The following C8A variants were observed in gnomAD, a reference collection of about 807,000 sequenced individuals.
The protein encoded by C8A is complement C8 alpha chain, also known as complement component C8 alpha chain.
C8A carries 67 observed loss-of-function variants against 65.3 expected under a neutral mutation model. The ratio of observed to expected loss-of-function variants is 1.03; its 90% CI spans 0.84 to 1.26. The LOEUF is 1.26. C8A is among the 50% of genes most tolerant of loss of function. The pLI, the probability that C8A is intolerant of heterozygous loss-of-function variation, is 0.00. For missense variants in C8A, 781 were observed against 723.9 expected (o/e 1.08, Z -0.90); for synonymous variants, 290 against 259.4 (o/e 1.12, Z -1.13).
intron 3 of C8A, among the ~76,000 whole-genome samples, chr1:56,875,530 G>A (rs1053388904): frequency 6.6e-6 from 1 of 152,038 alleles, no homozygotes; most frequent in African/African-American, 2.4e-5. Flanking sequence ...TCTAGCAGGA[G>A]GTTCCCAAAT....
At chr1:56,866,757 C>T (rs1023746180) in intron 1 of C8A, among the ~76,000 whole-genome samples, 1 of 152,200 alleles carries the variant, frequency 6.6e-6, no homozygotes, top group African/African-American at 2.4e-5. Context: ...GCCAGGCAAA[C>T]TTGCGGCTTG....
At chr1:56,862,038 A>G (rs1644039311) in intron 1 of C8A, among the ~76,000 whole-genome samples, 2 of 152,174 alleles carry the variant, frequency 1.3e-5, no homozygotes, top group South Asian at 4.1e-4. Context: ...GGCAGATGGG[A>G]AGCATCTCAC....
intron 8 of C8A, among the ~76,000 whole-genome samples, chr1:56,907,740 C>G (rs1644476985): frequency 6.6e-6 from 1 of 152,228 alleles, no homozygotes; most frequent in Admixed American, 6.5e-5. Flanking sequence ...CTGGGCTGTC[C>G]TCTCAGTATT....
chr1:56,857,698 T>C (rs1290559086), intron 1 of C8A, among the ~76,000 whole-genome samples: 1 of 151,888 alleles, frequency 6.6e-6, no homozygotes, highest in Non-Finnish European at 1.5e-5. Context: ...CATGTCTTCC[T>C]TGTTTCTATT....
chr1:56,874,272 C>T (rs886830680), intron 2 of C8A, among the ~76,000 whole-genome samples: 1 of 152,186 alleles, frequency 6.6e-6, no homozygotes, highest in Non-Finnish European at 1.5e-5. Context: ...AGATGTGATG[C>T]TTTGGTGAAC....
chr1:56,902,343 T>G (rs1644432992), intron 7 of C8A, among the ~76,000 whole-genome samples: 2 of 152,272 alleles, frequency 1.3e-5, no homozygotes, highest in Admixed American at 1.3e-4. Context: ...CTGGAGGGTT[T>G]AATCCAGTTC....
chr1:56,911,066 T>G (rs1387503047), intron 9 of C8A, among the ~76,000 whole-genome samples: 5 of 10,912 alleles, frequency 4.6e-4, no homozygotes, highest in African/African-American at 1.2e-3. Context: ...AAAACATGGG[T>G]TTTTTTTTTT....
At chr1:56,903,170 G>C (rs562572458) in intron 7 of C8A, among the ~76,000 whole-genome samples, 1 of 152,182 alleles carries the variant, frequency 6.6e-6, no homozygotes, top group South Asian at 2.1e-4. Context: ...CTGTGTCCCC[G>C]CCCAAATCTC....
At chr1:56,886,932 T>C (rs1644304902) in intron 7 of C8A, among the ~76,000 whole-genome samples, 1 of 152,146 alleles carries the variant, frequency 6.6e-6, no homozygotes, top group African/African-American at 2.4e-5. Flanking sequence ...CAATGTAAAT[T>C]CTCAGGTCTC....
Position 56,873,324 on chromosome 1 carries a change from C to T in C8A, c.172-1625C>T, listed in dbSNP as rs76431031. 5.9e-5 allele frequency among the ~76,000 whole-genome samples: 9 copies of T among 152,154 alleles called. No homozygotes were observed. In the East Asian group the frequency reaches 1.7e-3, roughly 29 times the overall value. On this transcript the variant is annotated intron_variant, in intron 2 of 10. Transcript: ENST00000361249. ...AGGGCTGGGGGCTTCTTTACACATTCTCTTACTCAGAGCTCACACAGTCCT... is the reference window on the plus strand; with the variant it reads ...AGGGCTGGGGGCTTCTTTACACATTTTCTTACTCAGAGCTCACACAGTCCT...
chr1:56,906,525 T>C lies in C8A; in HGVS notation c.1097-142T>C, dbSNP rs714901. The stretch of plus-strand genomic sequence containing the variant: ...AACCATGCAGAAGAGAAAACTGAAA[T>C]TGGATTAAAGAACCGGGCTTTCAAC... On this transcript the variant is annotated intron_variant, in intron 7 of 10. Coordinates refer to ENST00000361249, the MANE Select transcript of C8A (RefSeq NM_000562.3). 1.2e-3 allele frequency: 1,052 copies of C among 883,660 alleles called. 11 individuals are homozygous for C. In the African/African-American group the frequency reaches 0.015, roughly 13 times the overall value. 54.7% of individuals were successfully genotyped at this position (883,660 alleles called of 1,614,324 possible).
chr1:56,912,111 G>A (rs764763023), intron 9 of C8A, among the ~76,000 whole-genome samples: 2 of 152,130 alleles, frequency 1.3e-5, no homozygotes, highest in Non-Finnish European at 2.9e-5. Context: ...TGTGGGCTGG[G>A]ACTTTTAACT....
chr1:56,880,688 C>T (rs1644240435), intron 4 of C8A, among the ~76,000 whole-genome samples: 1 of 152,022 alleles, frequency 6.6e-6, no homozygotes. Context: ...GCAGCAGAGC[C>T]CTTATACTAT....
chr1:56,896,745 C>A (rs1477991694), intron 7 of C8A, among the ~76,000 whole-genome samples: 2 of 152,142 alleles, frequency 1.3e-5, no homozygotes, highest in African/African-American at 4.8e-5. Context: ...AAGCTGGAAG[C>A]AGATGTCAAT....
intron 2 of C8A, among the ~76,000 whole-genome samples, chr1:56,871,506 T>C (rs548023579): frequency 1.2e-4 from 19 of 152,344 alleles, no homozygotes; most frequent in African/African-American, 4.6e-4. Flanking sequence ...TTTACATGTG[T>C]TATGATGAAT....
chr1:56,889,778 C>T (rs1002501606), intron 7 of C8A, among the ~76,000 whole-genome samples: 6 of 152,016 alleles, frequency 3.9e-5, no homozygotes, highest in Non-Finnish European at 7.4e-5. Context: ...AGAGGATGCA[C>T]GAGGCTGTTT....
At chr1:56,913,022 C>T (rs554676216) in intron 10 of C8A, among the ~76,000 whole-genome samples, 1 of 152,248 alleles carries the variant, frequency 6.6e-6, no homozygotes, top group Admixed American at 6.5e-5. Context: ...CTGCCAGAGA[C>T]TGGGGGAGTA....
chr1:56,862,994 T>A (rs934653609), intron 1 of C8A, among the ~76,000 whole-genome samples: 2 of 152,158 alleles, frequency 1.3e-5, no homozygotes, highest in Non-Finnish European at 2.9e-5. Flanking sequence ...GACTCAATAA[T>A]CTAATTGTTT....
chr1:56,897,123 G>A (rs957298119), intron 7 of C8A, among the ~76,000 whole-genome samples: 1 of 152,174 alleles, frequency 6.6e-6, no homozygotes, highest in African/African-American at 2.4e-5. Flanking sequence ...ACATCAAACT[G>A]TTGTGATAGC....
Sources: allele counts gnomAD v4.1 joint callset (sites outside exome capture counted in the v4.1 genomes callset), GRCh38; gene constraint gnomAD v4.1.1; transcripts MANE v1.5; gene names NCBI Gene and HGNC (gene_info 2026-07-23, HGNC 2026-07-21).